Variants in IQCJ observed in about 807,000 individuals in gnomAD.
The protein encoded by IQCJ is IQ motif containing J, also known as IQ domain-containing protein J.
In IQCJ, 9 loss-of-function variants were observed where a neutral mutation model predicts 11.0. The ratio of observed to expected loss-of-function variants is 0.82; its 90% CI spans 0.49 to 1.43. IQCJ has a LOEUF of 1.43. Among genes scored for constraint, IQCJ ranks in the 40% most tolerant of loss-of-function variants. IQCJ has a pLI of 0.00. For synonymous variants in IQCJ, 55 were observed against 51.3 expected (o/e 1.07, Z -0.31); for missense variants, 146 against 133.2 (o/e 1.10, Z -0.47).
At chr3:159,231,924 G>A (rs1413896401) in intron 1 of IQCJ, among the ~76,000 whole-genome samples, 2 of 152,184 alleles carry the variant, frequency 1.3e-5, no homozygotes, top group Non-Finnish European at 2.9e-5. Flanking sequence ...GCATAGAGGT[G>A]TTTATAATAT....
chr3:159,218,071 T>C (rs1214863676), intron 1 of IQCJ, among the ~76,000 whole-genome samples: 1 of 151,540 alleles, frequency 6.6e-6, no homozygotes, highest in African/African-American at 2.4e-5. Context: ...AACACTTATG[T>C]ACATGGTAGT....
intron 1 of IQCJ, among the ~76,000 whole-genome samples, chr3:159,077,760 C>T (rs771086865): frequency 6.6e-6 from 1 of 151,940 alleles, no homozygotes; most frequent in Non-Finnish European, 1.5e-5. Context: ...ACTTTATGTA[C>T]CCTCTTTGAA....
chr3:159,141,120 T>A (rs1720578637), intron 1 of IQCJ, among the ~76,000 whole-genome samples: 1 of 151,378 alleles, frequency 6.6e-6, no homozygotes, highest in African/African-American at 2.4e-5. Context: ...CAAGAAGGAC[T>A]AGATCTCATA....
chr3:159,221,738 A>G (rs924781240), intron 1 of IQCJ, among the ~76,000 whole-genome samples: 5 of 151,692 alleles, frequency 3.3e-5, no homozygotes, highest in African/African-American at 7.3e-5. Flanking sequence ...AGCAGTTTTA[A>G]CTCCATTCAC....
chr3:159,165,917 C>T (rs375107289), intron 1 of IQCJ, among the ~76,000 whole-genome samples: 3 of 151,716 alleles, frequency 2.0e-5, no homozygotes, highest in South Asian at 2.1e-4. Context: ...CATGAGCCAC[C>T]GCGCCCGGCC....
intron 1 of IQCJ, among the ~76,000 whole-genome samples, chr3:159,245,450 C>A (rs1370293864): frequency 6.7e-6 from 1 of 149,324 alleles, no homozygotes; most frequent in Non-Finnish European, 1.5e-5. Flanking sequence ...ATCACAAAGT[C>A]CTGAATTCTT....
In IQCJ at chr3:159,262,699, C is replaced by G. The variant is rs1217529956; in HGVS notation, c.307C>G (p.Leu103Val). The G allele has an allele frequency of 1.2e-6, 2 of 1,613,790 alleles. No homozygotes were observed. The highest frequency in any genetic ancestry group is 3.3e-5 in the Admixed American group (2 of 60,014). Residue 103 changes from leucine (L) to valine (V), a missense_variant, in exon 4 of 4, where the codon CTT becomes GTT. Transcript: ENST00000397832. ...CAGCACACCCGTGAGTGTCATGTTT[C>G]TTTTTCTATGTCCTGACTTGACATT... ...DSSTPVSVMF[L>V]FLCPDLTFN
intron 1 of IQCJ, among the ~76,000 whole-genome samples, chr3:159,213,853 C>G (rs1168960850): frequency 6.6e-6 from 1 of 152,036 alleles, no homozygotes; most frequent in Non-Finnish European, 1.5e-5. Context: ...CATTTGTGGC[C>G]TCTTTTTGGA....
At chr3:159,227,321 G>A (rs1261805603) in intron 1 of IQCJ, among the ~76,000 whole-genome samples, 2 of 152,088 alleles carry the variant, frequency 1.3e-5, no homozygotes, top group East Asian at 3.9e-4. Context: ...GTAGATAATT[G>A]GATTTCAAGG....
At chr3:159,080,959 G>C (rs558992526) in intron 1 of IQCJ, among the ~76,000 whole-genome samples, 1 of 152,232 alleles carries the variant, frequency 6.6e-6, no homozygotes, top group African/African-American at 2.4e-5. Flanking sequence ...TCAGAATGCT[G>C]AGTCTGTTTA....
intron 1 of IQCJ, among the ~76,000 whole-genome samples, chr3:159,088,627 G>A (rs900275744): frequency 2.6e-5 from 4 of 152,144 alleles, no homozygotes; most frequent in African/African-American, 9.7e-5. Context: ...TATATATGCA[G>A]GATAGTTAGC....
intron 1 of IQCJ, among the ~76,000 whole-genome samples, chr3:159,177,004 G>T (rs556912678): frequency 6.6e-6 from 1 of 152,284 alleles, no homozygotes; most frequent in South Asian, 2.1e-4. Context: ...AGGTAGTTCA[G>T]TAAAGCTGTA....
intron 1 of IQCJ, among the ~76,000 whole-genome samples, chr3:159,168,280 T>C (rs1722289742): frequency 6.6e-6 from 1 of 152,162 alleles, no homozygotes; most frequent in Admixed American, 6.5e-5. Flanking sequence ...TTGAGTCCCC[T>C]AGTGACTGAA....
chr3:159,118,664 G>A (rs1719171272), intron 1 of IQCJ, among the ~76,000 whole-genome samples: 1 of 152,140 alleles, frequency 6.6e-6, no homozygotes, highest in African/African-American at 2.4e-5. Flanking sequence ...GAGCTATACT[G>A]CTCTTACCCC....
chr3:159,168,536 C>T (rs1366095085), intron 1 of IQCJ, among the ~76,000 whole-genome samples: 1 of 152,144 alleles, frequency 6.6e-6, no homozygotes, highest in Non-Finnish European at 1.5e-5. Flanking sequence ...TACCAATGGT[C>T]ATACCTGATT....
At chr3:159,084,182 T>C (rs1197009853) in intron 1 of IQCJ, among the ~76,000 whole-genome samples, 26 of 151,772 alleles carry the variant, frequency 1.7e-4, no homozygotes, top group Admixed American at 1.7e-3. Context: ...AGAAAGAGTA[T>C]ACAAGATTTT....
chr3:159,092,558 C>A (rs534464869), intron 1 of IQCJ, among the ~76,000 whole-genome samples: 1 of 151,630 alleles, frequency 6.6e-6, no homozygotes, highest in Non-Finnish European at 1.5e-5. Context: ...ATTAGCCAGG[C>A]GTGGTGACAG....
chr3:159,071,528 T>C (rs1715561374), intron 1 of IQCJ, among the ~76,000 whole-genome samples: 1 of 152,096 alleles, frequency 6.6e-6, no homozygotes, highest in African/African-American at 2.4e-5. Flanking sequence ...ATAGAAATAT[T>C]AATCTATGTA....
chr3:159,125,081 T>C (rs1218852483), intron 1 of IQCJ, among the ~76,000 whole-genome samples: 2 of 152,160 alleles, frequency 1.3e-5, no homozygotes, highest in Non-Finnish European at 2.9e-5. Flanking sequence ...GGAAAAATAG[T>C]AATTTGATAG....
Sources: gnomAD v4.1 joint callset for allele counts (sites outside exome capture counted in the v4.1 genomes callset) on GRCh38, gnomAD v4.1.1 for gene constraint, MANE v1.5 for transcripts, NCBI Gene and HGNC (gene_info 2026-07-23, HGNC 2026-07-21) for gene names.